Variants in CNR2 observed in about 807,000 individuals in gnomAD.
CNR2 encodes cannabinoid receptor 2 (macrophage).
For missense variants in CNR2, 379 were observed against 439.9 expected (o/e 0.86, Z 1.24); for synonymous variants, 172 against 182.2 (o/e 0.94, Z 0.45).
intron 1 of CNR2, among the ~76,000 whole-genome samples, chr1:23,905,738 A>T (rs1640476754): frequency 6.6e-6 from 1 of 152,268 alleles, no homozygotes; most frequent in Non-Finnish European, 1.5e-5. Flanking sequence ...GACGAGGAAC[A>T]GCCAGGGATA....
At chr1:23,898,335 C>CCTATTTT (rs1230917304) in intron 1 of CNR2, among the ~76,000 whole-genome samples, 6 of 108,182 alleles carry the variant, frequency 5.5e-5, no homozygotes, top group South Asian at 2.9e-4. Flanking sequence ...CCGCGCCCGG[C>CCTATTTT]TTTTTTTTTT....
intron 1 of CNR2, among the ~76,000 whole-genome samples, chr1:23,884,052 C>A (rs536343527): frequency 1.2e-4 from 18 of 150,336 alleles, no homozygotes; most frequent in Non-Finnish European, 2.4e-4. Context: ...AAAATCTGTG[C>A]CTCTCTATAG....
rs201819496 is a variant in CNR2 at position 23,874,636 on chromosome 1, C to A, written c.982G>T (p.Ala328Ser). Residue 328 changes from alanine to serine, a missense_variant, in exon 2 of 2, where the codon GCA (alanine) becomes TCA (serine). By Grantham distance (99) the Ala-to-Ser change is moderately conservative. Transcript: ENST00000374472. Reference protein sequence around the residue: ...KKCVRGLGSEAKEEAPRSSVT... With the variant: ...KKCVRGLGSESKEEAPRSSVT... ...GAGGATCTCGGGGCTTCTTCTTTTG[C>A]CTCTGACCCAAGGCCCCTCACACAC... 6.2e-7 allele frequency: 1 copy of A among 1,614,152 alleles called. No individual in the cohort carries two copies. The highest frequency in any genetic ancestry group is 1.1e-5 in the South Asian group (1 of 91,078).
rs1444034929 is a variant in CNR2, at chr1:23,875,451, T to C, written c.167A>G (p.Tyr56Cys). 1 of 1,614,028 alleles carries C rather than the reference T, an allele frequency of 6.2e-7. No individual in the cohort carries two copies. Among genetic ancestry groups the C allele is most frequent in the African/African-American group, 1.3e-5 (1 of 74,934 alleles). The stretch of plus-strand genomic sequence containing the variant: ...GAGTTGGTGGGAGGACAGGATCAGA[T>C]AGAGCACAGCCACGTTCTCCAGGGC... ...LSALENVAVL[Y>C]LILSSHQLRR... The change falls in exon 2 of 2, where the codon TAT (tyrosine) becomes TGT (cysteine). Residue 56 changes from tyrosine to cysteine, a missense_variant. Transcript: ENST00000374472.
rs142971648 is a variant in CNR2, at chr1:23,880,185, C to CTTTTTTTTTTTTTTTTT, written c.-45-4524_-45-4523insAAAAAAAAAAAAAAAAA. Among the ~76,000 whole-genome samples, 4 of 128,752 alleles carry CTTTTTTTTTTTTTTTTT rather than the reference C, an allele frequency of 3.1e-5. 1 individual carries two copies. Among genetic ancestry groups the CTTTTTTTTTTTTTTTTT allele is most frequent in the South Asian group, 2.3e-4 (1 of 4,322 alleles). 84.5% of individuals were successfully genotyped at this position (128,752 alleles called of 152,430 possible). On this transcript the variant is annotated intron_variant, in intron 1 of 1. Transcript: ENST00000374472. ...CCCTAACTCATCCCAACTTCCAACT[C>CTTTTTTTTTTTTTTTTT]TTTTTTTTTTGAGACGGAGTCTCAC...
chr1:23,889,120 G>A (rs1312956360), intron 1 of CNR2, among the ~76,000 whole-genome samples: 3 of 152,166 alleles, frequency 2.0e-5, no homozygotes, highest in East Asian at 1.9e-4. Flanking sequence ...GTTAGGGGCT[G>A]CAGCCTACAG....
intron 1 of CNR2, among the ~76,000 whole-genome samples, chr1:23,909,796 T>C (rs1640554112): frequency 6.6e-6 from 1 of 152,122 alleles, no homozygotes; most frequent in Admixed American, 6.6e-5. Context: ...ACCCTGATCA[T>C]GAGTCCCCGA....
chr1:23,910,534 A>T (rs1427557423), intron 1 of CNR2, among the ~76,000 whole-genome samples: 1 of 151,498 alleles, frequency 6.6e-6, no homozygotes, highest in African/African-American at 2.4e-5. Context: ...CATGCCTGTC[A>T]TCCCAGCTAC....
At chr1:23,885,382 T>A (rs887853238) in intron 1 of CNR2, among the ~76,000 whole-genome samples, 3 of 152,152 alleles carry the variant, frequency 2.0e-5, no homozygotes, top group Admixed American at 1.3e-4. Flanking sequence ...ACCATGTAGG[T>A]TTAAATCCTA....
intron 1 of CNR2, chr1:23,902,792 G>A: frequency 7.1e-7 from 1 of 1,405,658 alleles, no homozygotes. Context: ...GGGCTGCGCG[G>A]GCGCGGGCGC....
chr1:23,874,453 A>T lies in CNR2; in HGVS notation c.*82T>A, dbSNP rs1172073097. The T allele has an allele frequency of 6.9e-7, 1 of 1,447,230 alleles. No individual in the cohort carries two copies. Among genetic ancestry groups the T allele is most frequent in the Non-Finnish European group, 9.3e-7 (1 of 1,070,998 alleles). The allele number at this position is 1,447,230 out of a possible 1,614,324, so 89.6% of individuals were successfully genotyped here. On this transcript the variant is annotated 3_prime_UTR_variant, in exon 2 of 2. Coordinates refer to ENST00000374472, the MANE Select transcript of CNR2 (RefSeq NM_001841.3). ...GTGTCTGGGACTGGTTTAAGTAAGA[A>T]GAGAGTGCCAAGACCCCTCTCTCTC...
At chr1:23,879,351 A>G (rs374068677) in intron 1 of CNR2, among the ~76,000 whole-genome samples, 74 of 152,324 alleles carry the variant, frequency 4.9e-4, no homozygotes, top group African/African-American at 1.6e-3. Context: ...ACAGTGGCTC[A>G]TGCCTGAAAT....
intron 1 of CNR2, chr1:23,902,073 C>T (rs1185833142): frequency 6.5e-7 from 1 of 1,534,648 alleles, no homozygotes; most frequent in African/African-American, 1.4e-5. Context: ...CCTCTAGGGT[C>T]ATGGTTGGAA....
chr1:23,878,192 C>T (rs1017464835), intron 1 of CNR2, among the ~76,000 whole-genome samples: 2 of 151,886 alleles, frequency 1.3e-5, no homozygotes, highest in South Asian at 2.1e-4. Context: ...TGGGAAAACC[C>T]CATCTCTACA....
Position 23,875,401 on chromosome 1 carries a change from T to C in CNR2, c.217A>G (p.Ile73Val), listed in dbSNP as rs1414556125. The change falls in exon 2 of 2, where the codon ATT becomes GTT. Residue 73 changes from isoleucine to valine, a missense_variant. Physicochemically the swap from Ile to Val is conservative, Grantham distance 29. Transcript: ENST00000374472. ...QLRRKPSYLF[I>V]GSLAGADFLA... ...AAGTCAGCCCCAGCCAAGCTGCCAATGAACAGGTATGAGGGCTTCCGGCGG... is the reference window on the plus strand; with the variant it reads ...AAGTCAGCCCCAGCCAAGCTGCCAACGAACAGGTATGAGGGCTTCCGGCGG... 4 of 1,614,054 alleles carry C rather than the reference T, an allele frequency of 2.5e-6. No individual in the cohort carries two copies. Among genetic ancestry groups the C allele is most frequent in the Admixed American group, 1.7e-5 (1 of 60,006 alleles).
chr1:23,895,287 C>T (rs1427098667), intron 1 of CNR2, among the ~76,000 whole-genome samples: 1 of 152,190 alleles, frequency 6.6e-6, no homozygotes, highest in Non-Finnish European at 1.5e-5. Flanking sequence ...CTTCCTCTTT[C>T]AATTATTTTA....
intron 1 of CNR2, among the ~76,000 whole-genome samples, chr1:23,892,443 G>A (rs1240588146): frequency 6.6e-6 from 1 of 152,188 alleles, no homozygotes; most frequent in Non-Finnish European, 1.5e-5. Context: ...CAACTGGCAT[G>A]AAGCCTGGCA....
At chr1:23,875,698 C>CGAAAA (rs1297987639) in intron 1 of CNR2, 36 bp from the exon 2 acceptor site, 2 of 1,488,182 alleles carry the variant, frequency 1.3e-6, no homozygotes, top group Non-Finnish European at 1.8e-6. Context: ...TAATCTTTTT[C>CGAAAA]AGTAAGCACA....
intron 1 of CNR2, among the ~76,000 whole-genome samples, chr1:23,895,544 A>G (rs990690510): frequency 2.0e-5 from 3 of 151,942 alleles, no homozygotes; most frequent in East Asian, 1.9e-4. Context: ...GTCTCGCTCT[A>G]TCACCAGGCT....
Sources: allele counts gnomAD v4.1 joint callset (sites outside exome capture counted in the v4.1 genomes callset), GRCh38; gene constraint gnomAD v4.1.1; transcripts MANE v1.5; gene names NCBI Gene and HGNC (gene_info 2026-07-23, HGNC 2026-07-21).